SLC26A3: variants seen among roughly 807,000 people sequenced by gnomAD.
SLC26A3 encodes chloride anion exchanger.
Under a neutral mutation model 85.6 loss-of-function variants are expected in SLC26A3, and 64 were observed. The ratio of observed to expected loss-of-function variants is 0.75; its 90% CI spans 0.61 to 0.92. SLC26A3 has a LOEUF of 0.92. SLC26A3 is among the 40% of genes least tolerant of loss of function. The pLI is 0.00. For missense variants in SLC26A3, 922 were observed against 927.3 expected (o/e 0.99, Z 0.07); for synonymous variants, 349 against 336.0 (o/e 1.04, Z -0.42).
chr7:107,798,134 G>A (rs941913460), intron 1 of SLC26A3, among the ~76,000 whole-genome samples: 2 of 151,180 alleles, frequency 1.3e-5, no homozygotes, highest in South Asian at 4.2e-4. Flanking sequence ...TATTTTTTTG[G>A]CCTTTATGAT....
Position 107,774,170 on chromosome 7 carries a change from C to T in SLC26A3, c.1774-17G>A. On this transcript the variant is annotated splice_polypyrimidine_tract_variant and intron_variant, in intron 16 of 20. Transcript: ENST00000340010. ...AAATCCTTTCTGCAGGAGAGGATAA[C>T]AAGTATGAAAACTGTGACCAAGAAA... 1 of 1,574,820 alleles carries T rather than the reference C, an allele frequency of 6.3e-7. No homozygotes were observed. The highest frequency in any genetic ancestry group is 2.2e-5 in the East Asian group (1 of 44,708).
At chr7:107,786,409 A>G (rs1174826411) in intron 8 of SLC26A3, among the ~76,000 whole-genome samples, 1 of 151,884 alleles carries the variant, frequency 6.6e-6, no homozygotes, top group African/African-American at 2.4e-5. Flanking sequence ...TGATCCTCTC[A>G]CCTTGGCCTC....
intron 18 of SLC26A3, among the ~76,000 whole-genome samples, chr7:107,769,508 T>C (rs542752498): frequency 1.3e-4 from 20 of 152,230 alleles, no homozygotes; most frequent in African/African-American, 4.6e-4. Flanking sequence ...TTCTCACTTA[T>C]AAGTGGGAGC....
At chr7:107,785,768 T>A (rs1672199888) in intron 8 of SLC26A3, among the ~76,000 whole-genome samples, 1 of 152,054 alleles carries the variant, frequency 6.6e-6, no homozygotes, top group Non-Finnish European at 1.5e-5. Flanking sequence ...TTTAAAAAAA[T>A]AAAAAGTACA....
intron 6 of SLC26A3, among the ~76,000 whole-genome samples, chr7:107,788,041 T>C (rs1794327639): frequency 6.6e-6 from 1 of 152,210 alleles, no homozygotes; most frequent in African/African-American, 2.4e-5. Context: ...CACATACTTC[T>C]TGAAGCTAGT....
chr7:107,793,988 G>A (rs754522305), intron 2 of SLC26A3, 107 bp from the exon 3 acceptor site: 2 of 1,385,356 alleles, frequency 1.4e-6, no homozygotes, highest in Non-Finnish European at 2.0e-6. Context: ...GATTAAACTA[G>A]TAATTTCACT....
chr7:107,785,117 A>G (rs1309707920), intron 8 of SLC26A3, among the ~76,000 whole-genome samples: 2 of 152,240 alleles, frequency 1.3e-5, no homozygotes, highest in African/African-American at 4.8e-5. Context: ...GTGTTAAACT[A>G]GTTAACAATA....
At chr7:107,791,577 A>G (rs916932090) in intron 4 of SLC26A3, among the ~76,000 whole-genome samples, 6 of 152,080 alleles carry the variant, frequency 3.9e-5, no homozygotes, top group Non-Finnish European at 7.4e-5. Flanking sequence ...GTGCCACTGC[A>G]CTCCAACCTG....
intron 15 of SLC26A3, 193 bp downstream of exon 15, chr7:107,776,259 A>G (rs1341340459): frequency 3.2e-6 from 2 of 621,496 alleles, no homozygotes; most frequent in Non-Finnish European, 5.7e-6. Flanking sequence ...GAAGAGGCTT[A>G]TTTCCCAACC....
chr7:107,789,591 AC>A lies in SLC26A3; in HGVS notation c.667del (p.Val223PhefsTer10). The A allele has an allele frequency of 6.2e-7, 1 of 1,614,126 alleles. No individual in the cohort carries two copies. The highest frequency in any genetic ancestry group is 8.5e-7 in the Non-Finnish European group (1 of 1,180,002). ...FTTAAAVHVL[V>X]SQLKFIFQLT... is the part of the protein sequence containing the mutation. ...CTGAAAAATGAATTTGAGTTGGGAA[AC>A]CAAAACATGAACAGCAGCAGCAGTA... is the stretch of plus-strand genomic sequence containing the variant. On this transcript the variant is annotated frameshift_variant, in exon 6 of 21. Transcript: ENST00000340010. LOFTEE classifies it high-confidence loss of function.
chr7:107,790,958 A>G, intron 5 of SLC26A3, 90 bp downstream of exon 5: 1 of 1,327,088 alleles, frequency 7.5e-7, no homozygotes. Context: ...GAAGATGGGG[A>G]GGAGTGGCAG....
In SLC26A3 at chr7:107,772,872, G is replaced by T. The variant is rs976176508; in HGVS notation, c.2008-764C>A. ...AAAGAAAACGCAAGTAGACTTGAGA[G>T]TTACATGATGTTAACATTTAAAAAA... On this transcript the variant is annotated intron_variant, in intron 17 of 20. Coordinates refer to ENST00000340010, the MANE Select transcript of SLC26A3 (RefSeq NM_000111.3). Among the ~76,000 whole-genome samples, 3 of 152,070 alleles carry T rather than the reference G, an allele frequency of 2.0e-5. No homozygotes were observed. In the East Asian group the frequency reaches 5.8e-4, roughly 29 times the overall value.
In SLC26A3 at chr7:107,794,525, G is replaced by T; in HGVS notation, c.-16C>A. 1 of 1,613,748 alleles carries T rather than the reference G, an allele frequency of 6.2e-7. No homozygotes were observed. The highest frequency in any genetic ancestry group is 8.5e-7 in the Non-Finnish European group (1 of 1,179,778). ...GTTCAATCATTTTGATTTTTCTGTT[G>T]GCTGTGGCAAGTTGAAGACCTTTGC... On this transcript the variant is annotated 5_prime_UTR_variant, in exon 2 of 21. Transcript: ENST00000340010.
In SLC26A3 at chr7:107,772,820, A is replaced by G. The variant is rs548335301; in HGVS notation, c.2008-712T>C. On this transcript the variant is annotated intron_variant, in intron 17 of 20. Transcript: ENST00000340010. ...AAAGCTAAAGTAATCAAAAGCTAAA[A>G]TAAACAAAAACCAAAACCAAAAAAG... 3.9e-5 allele frequency among the ~76,000 whole-genome samples: 6 copies of G among 152,292 alleles called. No homozygotes were observed. The South Asian group carries it at 1.2e-3, about 32-fold the overall frequency.
In SLC26A3 at chr7:107,772,081, C is replaced by T. The variant is rs753202155; in HGVS notation, c.2035G>A (p.Val679Ile). 5 of 1,612,302 alleles carry T rather than the reference C, an allele frequency of 3.1e-6. No homozygotes were observed. Among genetic ancestry groups the T allele is most frequent in the Non-Finnish European group, 4.2e-6 (5 of 1,178,450 alleles). ...SILQEFIRIK[V>I]DVYIVGTDDD... ...TCAGTTCCAACGATATACACATCTA[C>T]CTTGATCCTGATAAATTCTTGCAAA... The change falls in exon 18 of 21, where the codon GTA becomes ATA. Residue 679 changes from valine (V) to isoleucine (I), a missense_variant. Transcript: ENST00000340010.
At chr7:107,801,082 G>A (rs545164624) in intron 1 of SLC26A3, among the ~76,000 whole-genome samples, 1 of 152,298 alleles carries the variant, frequency 6.6e-6, no homozygotes, top group South Asian at 2.1e-4. Flanking sequence ...GAGATTTTCT[G>A]AGCACTTTCA....
rs150603039 is a variant in SLC26A3, at chr7:107,795,641, A to G, written c.-88-1044T>C. ...GCAGAAATGGTACCTGCATTTTCAG[A>G]CTTCTTTGCTCTCTTTTCTATGTCA... is the stretch of plus-strand genomic sequence containing the variant. On this transcript the variant is annotated intron_variant, in intron 1 of 20. Transcript: ENST00000340010. Among the ~76,000 whole-genome samples, 392 of 152,156 alleles carry G rather than the reference A, an allele frequency of 2.6e-3. 3 individuals are homozygous for G. The highest frequency in any genetic ancestry group is 8.9e-3 in the African/African-American group (370 of 41,508).
At chr7:107,769,470 G>C (rs1022649184) in intron 18 of SLC26A3, among the ~76,000 whole-genome samples, 12 of 152,124 alleles carry the variant, frequency 7.9e-5, no homozygotes, top group Non-Finnish European at 1.5e-4. Context: ...GCAAAGTAAT[G>C]CAGGAACAGA....
chr7:107,769,904 C>T (rs1168042511), intron 18 of SLC26A3, among the ~76,000 whole-genome samples: 2 of 152,086 alleles, frequency 1.3e-5, no homozygotes, highest in Admixed American at 1.3e-4. Context: ...TGCCTCACTT[C>T]GTTCTAGTCT....
Sources: gnomAD v4.1 joint callset for allele counts (sites outside exome capture counted in the v4.1 genomes callset) on GRCh38, gnomAD v4.1.1 for gene constraint, MANE v1.5 for transcripts, NCBI Gene and HGNC (gene_info 2026-07-23, HGNC 2026-07-21) for gene names.